TICRR: variants seen among roughly 807,000 people sequenced by gnomAD.
The protein encoded by TICRR is treslin.
TICRR carries 132 observed loss-of-function variants against 178.1 expected under a neutral mutation model. That is an observed-to-expected ratio of 0.74 (90% CI 0.64 to 0.86). The LOEUF (loss-of-function observed/expected upper bound fraction) is 0.86, where lower values mean the gene tolerates loss of function less well. Ranked by LOEUF, TICRR falls within the 40% of genes least tolerant of loss-of-function variation. The pLI, the probability that TICRR is intolerant of heterozygous loss-of-function variation, is 0.00. For missense variants in TICRR, 2,587 were observed against 2,334.3 expected, an observed-to-expected ratio of 1.11 and a Z score of -2.23; for synonymous variants, 991 against 900.7, an observed-to-expected ratio of 1.10 and a Z score of -1.79.
intron 15 of TICRR, among the ~76,000 whole-genome samples, chr15:89,613,147 T>C: frequency 6.6e-6 from 1 of 152,226 alleles, no homozygotes; most frequent in East Asian, 1.9e-4. Flanking sequence ...TTTATTTTGT[T>C]TCATTCTGAG....
chr15:89,600,678 G>T lies in TICRR; in HGVS notation c.2146G>T (p.Val716Phe). ...LGKKLDKEDK[V>F]RECQLQVFLR... Reference sequence around the variant, plus strand: ...AAAAAAACTGGATAAGGAAGACAAAGTTAGAGAGTAAGTAACTACCATTTT... The same window carrying T: ...AAAAAAACTGGATAAGGAAGACAAATTTAGAGAGTAAGTAACTACCATTTT... Residue 716 changes from valine (V) to phenylalanine (F), a missense_variant, in exon 9 of 22, where the codon GTT (valine) becomes TTT (phenylalanine). Coordinates refer to ENST00000268138, the MANE Select transcript of TICRR (RefSeq NM_152259.4). The T allele has an allele frequency of 6.6e-7, 1 of 1,525,810 alleles. No individual in the cohort carries two copies. The highest frequency in any genetic ancestry group is 9.0e-7 in the Non-Finnish European group (1 of 1,111,118). The allele number at this position is 1,525,810 out of a possible 1,614,324, so 94.5% of individuals were successfully genotyped here.
At chr15:89,603,392 C>CT (rs1963126894) in intron 13 of TICRR, among the ~76,000 whole-genome samples, 1 of 152,164 alleles carries the variant, frequency 6.6e-6, no homozygotes, top group Non-Finnish European at 1.5e-5. Context: ...GCCTGGACAA[C>CT]ATAGCGAGAC....
At position 89,625,042 on chromosome 15, in the gene TICRR, A is replaced by G; in HGVS notation, c.4732A>G (p.Ile1578Val). The G allele has an allele frequency of 6.2e-7, 1 of 1,614,054 alleles. No homozygotes were observed. The highest frequency in any genetic ancestry group is 8.5e-7 in the Non-Finnish European group (1 of 1,180,042). Residue 1578 changes from isoleucine to valine, a missense_variant, in exon 20 of 22, where the codon ATA becomes GTA. Transcript: ENST00000268138. ...SGLPKLRIKK[I>V]DPSSSLEAEP... ...CCTTCCCAAACTTCGAATTAAGAAG[A>G]TAGACCCCAGCTCTTCATTAGAGGC...
At chr15:89,577,916 G>A (rs894550751) in intron 1 of TICRR, among the ~76,000 whole-genome samples, 1 of 152,042 alleles carries the variant, frequency 6.6e-6, no homozygotes, top group Non-Finnish European at 1.5e-5. Context: ...TGGCAGGGAA[G>A]GCCTTTTTGA....
rs79425663 is a variant in TICRR, at chr15:89,577,293, T to C, written c.654+1053T>C. 2.9e-4 allele frequency among the ~76,000 whole-genome samples: 44 copies of C among 152,328 alleles called. 2 individuals are homozygous for C. In the East Asian group the frequency reaches 8.5e-3, roughly 29 times the overall value. On this transcript the variant is annotated intron_variant, in intron 1 of 21. Coordinates refer to ENST00000268138, the MANE Select transcript of TICRR (RefSeq NM_152259.4). ...TTGCAAACTTAAAGTCTTAAATGGCTAATTTGGATTTTTGCTGAGGCGGTG... is the reference window on the plus strand; with the variant it reads ...TTGCAAACTTAAAGTCTTAAATGGCCAATTTGGATTTTTGCTGAGGCGGTG...
At chr15:89,585,349 C>G (rs964432904) in intron 3 of TICRR, among the ~76,000 whole-genome samples, 1 of 152,218 alleles carries the variant, frequency 6.6e-6, no homozygotes, top group African/African-American at 2.4e-5. Flanking sequence ...TTGGCATCTT[C>G]TCTTACTAAG....
At chr15:89,586,026 G>C in intron 4 of TICRR, 84 bp downstream of exon 4, 1 of 919,228 alleles carries the variant, frequency 1.1e-6, no homozygotes, top group Non-Finnish European at 1.7e-6. Flanking sequence ...TGTGCAGTTA[G>C]TAGAACCCCA....
intron 3 of TICRR, among the ~76,000 whole-genome samples, chr15:89,585,111 G>C (rs1394863664): frequency 6.6e-6 from 1 of 152,152 alleles, no homozygotes; most frequent in African/African-American, 2.4e-5. Context: ...CTCTCAGGAG[G>C]GGTCTCTATT....
intron 5 of TICRR, among the ~76,000 whole-genome samples, chr15:89,592,440 C>T (rs1271300818): frequency 6.6e-6 from 1 of 151,906 alleles, no homozygotes; most frequent in Non-Finnish European, 1.5e-5. Context: ...AATAAATACT[C>T]CCTTAAAGTG....
rs1295074618 is a variant in TICRR, at chr15:89,627,231, C to T, written c.*145C>T. ...AATGCCTTAGGGTTTTCTAATTCCC[C>T]TTATGGATCCAATCCATCTCCTGGC... On this transcript the variant is annotated 3_prime_UTR_variant, in exon 22 of 22. Coordinates refer to ENST00000268138, the MANE Select transcript of TICRR (RefSeq NM_152259.4). The T allele has an allele frequency of 6.3e-6, 6 of 958,922 alleles. No homozygotes were observed. The South Asian group carries it at 1.0e-4, about 17-fold the overall frequency. The allele number at this position is 958,922 out of a possible 1,614,324, so 59.4% of individuals were successfully genotyped here. A position where few individuals can be genotyped will look rare whatever the true frequency, so the allele number is the denominator to read the frequency against.
At chr15:89,601,098 T>C (rs1963087351) in intron 9 of TICRR, among the ~76,000 whole-genome samples, 200 bp from the exon 10 acceptor site, 1 of 152,000 alleles carries the variant, frequency 6.6e-6, no homozygotes, top group Admixed American at 6.5e-5. Flanking sequence ...AAGATGCTTT[T>C]GTAGCCAATT....
At chr15:89,605,518 C>T (rs1170444295) in intron 13 of TICRR, among the ~76,000 whole-genome samples, 1 of 152,102 alleles carries the variant, frequency 6.6e-6, no homozygotes, top group Non-Finnish European at 1.5e-5. Flanking sequence ...CACCACCACG[C>T]CTGGCTACTT....
intron 2 of TICRR, among the ~76,000 whole-genome samples, chr15:89,583,386 C>G (rs1013513143): frequency 1.3e-5 from 2 of 152,240 alleles, no homozygotes; most frequent in East Asian, 3.9e-4. Flanking sequence ...CCAGGAAAAG[C>G]AAACATGTTG....
chr15:89,604,657 G>C (rs1360012843), intron 13 of TICRR, among the ~76,000 whole-genome samples: 1 of 151,564 alleles, frequency 6.6e-6, no homozygotes, highest in East Asian at 1.9e-4. Context: ...TGTAGTCCCA[G>C]CTACTCGGGA....
intron 15 of TICRR, among the ~76,000 whole-genome samples, chr15:89,613,734 C>CTTTTTTTTTTTTTTTTTTTTTTTCTT (rs34162195): frequency 8.1e-5 from 5 of 61,520 alleles, no homozygotes; most frequent in East Asian, 4.0e-4. Context: ...TTTCTATTCG[C>CTTTTTTTTTTTTTTTTTTTTTTTCTT]TTTTTTTTTT....
At chr15:89,610,689 C>G (rs1963243372) in intron 15 of TICRR, among the ~76,000 whole-genome samples, 1 of 152,110 alleles carries the variant, frequency 6.6e-6, no homozygotes, top group Non-Finnish European at 1.5e-5. Context: ...TAATCCACTT[C>G]TATGAATGTA....
At chr15:89,600,720 C>A in intron 9 of TICRR, 35 bp downstream of exon 9, 1 of 1,051,154 alleles carries the variant, frequency 9.5e-7, no homozygotes, top group Non-Finnish European at 1.4e-6. Flanking sequence ...AATCATCACT[C>A]TAAAAGCTGT....
intron 15 of TICRR, 88 bp from the exon 16 acceptor site, chr15:89,616,317 C>A (rs966555423): frequency 1.9e-6 from 2 of 1,034,108 alleles, no homozygotes; most frequent in Non-Finnish European, 3.0e-6. Flanking sequence ...ATAAGCCATA[C>A]AGAAGTTCAA....
rs900786620 is a variant in TICRR at position 89,619,734 on chromosome 15, A to G, written c.3046A>G (p.Ile1016Val). The change falls in exon 18 of 22, where the codon ATC becomes GTC. Residue 1016 changes from isoleucine to valine, a missense_variant. Transcript: ENST00000268138. ...AATAAGTCTGAGACGAAGTCCTCGAATCAAGCAGTTGTCATTTAGCAGGAC... is the reference window on the plus strand; with the variant it reads ...AATAAGTCTGAGACGAAGTCCTCGAGTCAAGCAGTTGTCATTTAGCAGGAC... ...DEISLRRSPR[I>V]KQLSFSRTHS... 3 of 1,612,942 alleles carry G rather than the reference A, an allele frequency of 1.9e-6. No homozygotes were observed. Among genetic ancestry groups the G allele is most frequent in the African/African-American group, 1.3e-5 (1 of 74,870 alleles).
Sources: allele counts gnomAD v4.1 joint callset (sites outside exome capture counted in the v4.1 genomes callset), GRCh38; gene constraint gnomAD v4.1.1; transcripts MANE v1.5; gene names NCBI Gene and HGNC (gene_info 2026-07-23, HGNC 2026-07-21).